Variants in CNTNAP2 observed in about 807,000 individuals in gnomAD.
CNTNAP2 encodes the protein contactin associated protein 2.
Under a neutral mutation model 155.2 loss-of-function variants are expected in CNTNAP2, and 98 were observed. The observed-to-expected ratio is 0.63, with a 90% CI of 0.54 to 0.75. The LOEUF (loss-of-function observed/expected upper bound fraction) is 0.75, where lower values mean the gene tolerates loss of function less well. Among genes scored for constraint, CNTNAP2 ranks in the 30% least tolerant of loss-of-function variants. The pLI is 0.00. For synonymous variants in CNTNAP2, 651 were observed against 631.2 expected (o/e 1.03, Z -0.47); for missense variants, 1,727 against 1,688.1 (o/e 1.02, Z -0.40).
chr7:147,773,990 C>A (rs534379622), intron 13 of CNTNAP2, among the ~76,000 whole-genome samples: 1 of 152,244 alleles, frequency 6.6e-6, no homozygotes, highest in East Asian at 1.9e-4. Context: ...CACTTCCCTA[C>A]CTCAGCCTCT....
At chr7:146,369,538 T>G (rs1391383563) in intron 1 of CNTNAP2, among the ~76,000 whole-genome samples, 1 of 152,202 alleles carries the variant, frequency 6.6e-6, no homozygotes, top group Non-Finnish European at 1.5e-5. Flanking sequence ...AGTTAAAATG[T>G]ATAACAGTTC....
chr7:148,099,878 T>TG (rs1334694939), intron 15 of CNTNAP2, among the ~76,000 whole-genome samples: 7 of 141,200 alleles, frequency 5.0e-5, no homozygotes, highest in African/African-American at 1.6e-4. Flanking sequence ...GTTTTTTTTT[T>TG]TTTTTTTTTT....
intron 1 of CNTNAP2, among the ~76,000 whole-genome samples, chr7:146,670,521 T>TTC (rs1800284295): frequency 6.6e-6 from 1 of 152,166 alleles, no homozygotes. Flanking sequence ...ATAGACAGAC[T>TTC]CGGATTAAAA....
intron 1 of CNTNAP2, among the ~76,000 whole-genome samples, chr7:146,153,857 A>G (rs764766977): frequency 2.7e-5 from 4 of 150,472 alleles, no homozygotes; most frequent in Non-Finnish European, 5.9e-5. Context: ...GTATTCATAA[A>G]GTACATTTTC....
intron 16 of CNTNAP2, among the ~76,000 whole-genome samples, chr7:148,122,549 G>T (rs1396269165): frequency 2.6e-5 from 4 of 152,124 alleles, no homozygotes; most frequent in African/African-American, 4.8e-5. Flanking sequence ...AGGGGCAGGG[G>T]CCAGCAATAG....
At chr7:147,457,474 G>C (rs1004579121) in intron 10 of CNTNAP2, among the ~76,000 whole-genome samples, 2 of 150,308 alleles carry the variant, frequency 1.3e-5, no homozygotes, top group African/African-American at 4.9e-5. Flanking sequence ...CCTGAACCTT[G>C]CTGTATTTCC....
intron 8 of CNTNAP2, among the ~76,000 whole-genome samples, chr7:147,247,711 A>G (rs1344495422): frequency 2.0e-5 from 3 of 152,206 alleles, no homozygotes; most frequent in Admixed American, 6.5e-5. Context: ...GCAAGAGTAT[A>G]TGGAATACTG....
chr7:147,749,641 C>A (rs1797103202), intron 13 of CNTNAP2, among the ~76,000 whole-genome samples: 1 of 152,012 alleles, frequency 6.6e-6, no homozygotes, highest in African/African-American at 2.4e-5. Context: ...TCTTGTTTCC[C>A]CCACAATATC....
chr7:147,043,388 T>C (rs2129255018), intron 3 of CNTNAP2, among the ~76,000 whole-genome samples: 1 of 152,340 alleles, frequency 6.6e-6, no homozygotes, highest in African/African-American at 2.4e-5. Flanking sequence ...ATGTTTCTGA[T>C]CCATTGAACA....
At chr7:147,469,047 T>C (rs757513471) in intron 10 of CNTNAP2, among the ~76,000 whole-genome samples, 3 of 152,092 alleles carry the variant, frequency 2.0e-5, no homozygotes, top group Non-Finnish European at 4.4e-5. Flanking sequence ...GGTCTTGAAC[T>C]CCCAGGCTCA....
At chr7:147,591,981 A>G (rs1800742898) in intron 12 of CNTNAP2, among the ~76,000 whole-genome samples, 1 of 152,232 alleles carries the variant, frequency 6.6e-6, no homozygotes, top group Admixed American at 6.5e-5. Context: ...TCATCTATGA[A>G]AAACATTAGC....
At chr7:147,101,636 C>T (rs1481669167) in intron 4 of CNTNAP2, among the ~76,000 whole-genome samples, 1 of 152,098 alleles carries the variant, frequency 6.6e-6, no homozygotes, top group Non-Finnish European at 1.5e-5. Flanking sequence ...AGGTGGCTCT[C>T]AGCGGGATGG....
chr7:147,702,533 G>T (rs1796251250), intron 13 of CNTNAP2, among the ~76,000 whole-genome samples: 1 of 152,002 alleles, frequency 6.6e-6, no homozygotes, highest in Non-Finnish European at 1.5e-5. Context: ...CTTCTTCTCG[G>T]TGGGAAAATT....
intron 3 of CNTNAP2, among the ~76,000 whole-genome samples, chr7:146,848,395 T>G (rs1730665079): frequency 6.6e-6 from 1 of 152,222 alleles, no homozygotes; most frequent in African/African-American, 2.4e-5. Flanking sequence ...CACCTACTAC[T>G]TATTGAGGCT....
intron 13 of CNTNAP2, among the ~76,000 whole-genome samples, chr7:147,648,624 A>T (rs1209370072): frequency 6.6e-6 from 1 of 152,214 alleles, no homozygotes; most frequent in Non-Finnish European, 1.5e-5. Context: ...GAGCTTGCTC[A>T]GAGAAACTCG....
At chr7:147,384,155 G>T (rs1226557214) in intron 9 of CNTNAP2, among the ~76,000 whole-genome samples, 1 of 152,178 alleles carries the variant, frequency 6.6e-6, no homozygotes, top group East Asian at 1.9e-4. Flanking sequence ...GCTGAAACAT[G>T]GTGACCAAGG....
chr7:146,148,347 C>G (rs1166048467), intron 1 of CNTNAP2, among the ~76,000 whole-genome samples: 1 of 152,066 alleles, frequency 6.6e-6, no homozygotes, highest in South Asian at 2.1e-4. Context: ...TTACTGAAAA[C>G]TCTTCATTAC....
At chr7:147,696,917 A>C (rs548515196) in intron 13 of CNTNAP2, among the ~76,000 whole-genome samples, 1 of 152,226 alleles carries the variant, frequency 6.6e-6, no homozygotes, top group East Asian at 1.9e-4. Context: ...GGCTTATTTC[A>C]AAATTTTTTC....
chr7:146,362,695 G>A (rs890419914), intron 1 of CNTNAP2, among the ~76,000 whole-genome samples: 1 of 151,164 alleles, frequency 6.6e-6, no homozygotes, highest in East Asian at 1.9e-4. Context: ...TGGAGGAAGG[G>A]TTTTAGGTAG....
Sources: allele counts gnomAD v4.1 joint callset (sites outside exome capture counted in the v4.1 genomes callset), GRCh38; gene constraint gnomAD v4.1.1; transcripts MANE v1.5; gene names NCBI Gene and HGNC (gene_info 2026-07-23, HGNC 2026-07-21).